SLC35B2: variants seen among roughly 807,000 people sequenced by gnomAD.
The protein encoded by SLC35B2 is solute carrier family 35 member B2.
Under a neutral mutation model 37.9 loss-of-function variants are expected in SLC35B2, and 19 were observed. The observed-to-expected ratio is 0.50, with a 90% CI of 0.35 to 0.74. The LOEUF (loss-of-function observed/expected upper bound fraction) is 0.74, where lower values mean the gene tolerates loss of function less well. SLC35B2 is among the 30% of genes least tolerant of loss of function. The pLI, the probability that SLC35B2 is intolerant of heterozygous loss-of-function variation, is 0.01. For missense variants in SLC35B2, 633 were observed against 547.6 expected, an observed-to-expected ratio of 1.16 and a Z score of -1.56; for synonymous variants, 277 against 225.2, an observed-to-expected ratio of 1.23 and a Z score of -2.06.
Position 44,255,273 on chromosome 6 carries a change from G to T in SLC35B2, c.732C>A (p.Thr244=), listed in dbSNP as rs1875324. 327,133 of 1,614,082 alleles carry T rather than the reference G, an allele frequency of 0.2. 36,655 individuals carry two copies. The highest frequency in any genetic ancestry group is 0.41 in the East Asian group (18,441 of 44,864). Residue 244 remains threonine, a synonymous_variant, in exon 4 of 4, where the codon ACC becomes ACA. Coordinates refer to ENST00000393812, the MANE Select transcript of SLC35B2 (RefSeq NM_178148.4). ...SYEHWEYLTA[T]LISIGVSMFL... is the part of the protein sequence containing the mutation. The stretch of plus-strand genomic sequence containing the variant: ...ACATGCTGACCCCAATGGAGATGAG[G>T]GTGGCTGTCAGGTACTCCCAGTGTT...
Position 44,254,964 on chromosome 6 carries a change from G to A in SLC35B2, c.1041C>T (p.Cys347=), listed in dbSNP as rs1407204958. The change falls in exon 4 of 4, where the codon TGC becomes TGT. Residue 347 remains cysteine, a synonymous_variant. Transcript: ENST00000393812. ...AGATGAAGAGCTGGCCACATGCGGA[G>A]CAGATGGAGAGTAGCAGGGCATGGG... ...FAAHALLLSI[C]SACGQLFIFY... is the part of the protein sequence containing the mutation. 6.2e-7 allele frequency: 1 copy of A among 1,614,236 alleles called. No individual in the cohort carries two copies. Among genetic ancestry groups the A allele is most frequent in the African/African-American group, 1.3e-5 (1 of 75,068 alleles).
chr6:44,257,787 A>G (rs1318903541), upstream of SLC35B2: 2 of 153,780 alleles, frequency 1.3e-5, no homozygotes, highest in Non-Finnish European at 2.9e-5. Flanking sequence ...TCTTGTGGAC[A>G]GGACATTGAG....
chr6:44,255,299 C>T lies in SLC35B2; in HGVS notation c.706G>A (p.Glu236Lys), dbSNP rs145406343. 1.5e-5 allele frequency: 25 copies of T among 1,614,102 alleles called. No individual in the cohort carries two copies. Among genetic ancestry groups the T allele is most frequent in the South Asian group, 3.3e-5 (3 of 91,088 alleles). ...MGKLVSRRSYEHWEYLTATLI... is the reference protein window; with the variant it reads ...MGKLVSRRSYKHWEYLTATLI... ...GTGGCTGTCAGGTACTCCCAGTGTT[C>T]GTAGCTGCGCCGAGACACAAGCTTT... is the stretch of plus-strand genomic sequence containing the variant. The change falls in exon 4 of 4, where the codon GAA becomes AAA. Residue 236 changes from glutamate to lysine, a missense_variant. Glu to Lys is a moderately conservative substitution (Grantham distance 56, BLOSUM62 1). Transcript: ENST00000393812.
In SLC35B2 at chr6:44,256,698, G is replaced by C. The variant is rs1255130763; in HGVS notation, c.192C>G (p.Asn64Lys). Residue 64 changes from asparagine to lysine, a missense_variant, in exon 2 of 4, where the codon AAC (asparagine) becomes AAG (lysine). Transcript: ENST00000393812. ...TTCTTCACACACCGGTCTCCAGGTA[G>C]TTCTTCCGCCTGAAGTACTGCACCA... ...YLLVQYFRRKNYLETGRGLCF... is the reference protein window; with the variant it reads ...YLLVQYFRRKKYLETGRGLCF... The C allele has an allele frequency of 6.2e-7, 1 of 1,614,002 alleles. No homozygotes were observed. Among genetic ancestry groups the C allele is most frequent in the East Asian group, 2.2e-5 (1 of 44,900 alleles).
rs973929007 is a variant in SLC35B2 at position 44,255,014 on chromosome 6, T to C, written c.991A>G (p.Met331Val). 3 of 1,614,172 alleles carry C rather than the reference T, an allele frequency of 1.9e-6. No homozygotes were observed. The highest frequency in any genetic ancestry group is 2.5e-6 in the Non-Finnish European group (3 of 1,180,020). ...QGALLEGTRF[M>V]GRHSEFAAHA... ...GCAGCAAACTCACTGTGTCGCCCCA[T>C]GAAGCGGGTTCCCTCCAGTAGGGCC... The change falls in exon 4 of 4, where the codon ATG (methionine) becomes GTG (valine). Residue 331 changes from methionine to valine, a missense_variant. By Grantham distance (21) the Met-to-Val change is conservative. Coordinates refer to ENST00000393812, the MANE Select transcript of SLC35B2 (RefSeq NM_178148.4).
Position 44,256,857 on chromosome 6 carries a change from C to A in SLC35B2, c.33G>T (p.Leu11=). MDARWWAVVV[L]AAFPSLGAGG... ...CTGCCCCTAGGGAGGGGAACGCAGC[C>A]AGCACCACCACTGCCCACCATCTGT... Residue 11 remains leucine, a synonymous_variant, in exon 2 of 4, where the codon CTG becomes CTT. Transcript: ENST00000393812. The A allele has an allele frequency of 6.2e-7, 1 of 1,610,382 alleles. No individual in the cohort carries two copies. Among genetic ancestry groups the A allele is most frequent in the Non-Finnish European group, 8.5e-7 (1 of 1,178,326 alleles).
At position 44,254,793 on chromosome 6, in the gene SLC35B2, G is replaced by T. The variant is rs778904736; in HGVS notation, c.1212C>A (p.Ala404=). 9 of 1,614,152 alleles carry T rather than the reference G, an allele frequency of 5.6e-6. No homozygotes were observed. Among genetic ancestry groups the T allele is most frequent in the Non-Finnish European group, 7.6e-6 (9 of 1,180,038 alleles). Residue 404 remains alanine (A), a synonymous_variant, in exon 4 of 4, where the codon GCC becomes GCA. Transcript: ENST00000393812. ...CCCGCGCGTAGACTCTGAGCAGGAG[G>T]GCAGCAAAGACCACAGCCACCCCCA... ...GGLGVAVVFA[A]LLLRVYARGR...
upstream of SLC35B2, chr6:44,257,593 C>G (rs916515921): frequency 5.4e-5 from 21 of 387,366 alleles, no homozygotes; most frequent in Non-Finnish European, 7.9e-5. Flanking sequence ...CGCAGCGCCC[C>G]GGGCCGCCGC....
chr6:44,255,339 A>G lies in SLC35B2; in HGVS notation c.666T>C (p.Pro222=), dbSNP rs762828763. The change falls in exon 4 of 4, where the codon CCT becomes CCC. Residue 222 remains proline (P), a synonymous_variant. Transcript: ENST00000393812. ...QVLAKASKVI[P]VMLMGKLVSR... ...ACACAAGCTTTCCCATCAGCATGACAGGGATCACCTTAGAGGCCTTGGCCA... is the reference window on the plus strand; with the variant it reads ...ACACAAGCTTTCCCATCAGCATGACGGGGATCACCTTAGAGGCCTTGGCCA... 24 of 1,614,108 alleles carry G rather than the reference A, an allele frequency of 1.5e-5. No individual in the cohort carries two copies. Among genetic ancestry groups the G allele is most frequent in the Non-Finnish European group, 1.6e-5 (19 of 1,180,030 alleles).
At position 44,255,287 on chromosome 6, in the gene SLC35B2, ACTC is replaced by A; in HGVS notation, c.715_717del (p.Glu239del). ...ATGGAGATGAGGGTGGCTGTCAGGTACTCCCAGTGTTCGTAGCTGCGCCGAGAC... is the reference window on the plus strand; with the variant it reads ...ATGGAGATGAGGGTGGCTGTCAGGTACCAGTGTTCGTAGCTGCGCCGAGAC... On this transcript the variant is annotated inframe_deletion, in exon 4 of 4. Coordinates refer to ENST00000393812, the MANE Select transcript of SLC35B2 (RefSeq NM_178148.4). The A allele has an allele frequency of 6.2e-7, 1 of 1,614,120 alleles. No individual in the cohort carries two copies. The highest frequency in any genetic ancestry group is 8.5e-7 in the Non-Finnish European group (1 of 1,180,022).
chr6:44,255,088 AC>A lies in SLC35B2; in HGVS notation c.916del (p.Val306SerfsTer14). ...KMSSVQMMFG[V>X]NFFSCLFTVG... ...TGTGAAGAGGCAGGAGAAGAAATTG[AC>A]CCCAAACATCATCTGCACCGATGAC... On this transcript the variant is annotated frameshift_variant, in exon 4 of 4. Coordinates refer to ENST00000393812, the MANE Select transcript of SLC35B2 (RefSeq NM_178148.4). LOFTEE classifies it high-confidence loss of function. 1 of 1,614,092 alleles carries A rather than the reference AC, an allele frequency of 6.2e-7. No individual in the cohort carries two copies. The highest frequency in any genetic ancestry group is 8.5e-7 in the Non-Finnish European group (1 of 1,180,004).
In SLC35B2 at chr6:44,255,510, A is replaced by T. The variant is rs143766738; in HGVS notation, c.495T>A (p.Ile165=). 6.2e-7 allele frequency: 1 copy of T among 1,614,102 alleles called. No individual in the cohort carries two copies. The highest frequency in any genetic ancestry group is 1.7e-5 in the Admixed American group (1 of 60,010). Residue 165 remains isoleucine (I), a synonymous_variant, in exon 4 of 4, where the codon ATT becomes ATA. Coordinates refer to ENST00000393812, the MANE Select transcript of SLC35B2 (RefSeq NM_178148.4). ...AGAGAACACAGGAGAGGCCAGCCAC[A>T]ATCAGTGCCAGCACTCGGTTCATTA... is the stretch of plus-strand genomic sequence containing the variant. ...LVLMNRVLAL[I]VAGLSCVLCK... is the part of the protein sequence containing the mutation.
upstream of SLC35B2, chr6:44,257,664 G>A: frequency 5.6e-6 from 1 of 178,538 alleles, no homozygotes; most frequent in Non-Finnish European, 1.1e-5. Context: ...GGGGACCTGG[G>A]CTGCCCCTGG....
rs757226561 is a variant in SLC35B2, at chr6:44,254,978, G to C, written c.1027C>G (p.Leu343Val). The C allele has an allele frequency of 1.2e-6, 2 of 1,614,198 alleles. No individual in the cohort carries two copies. Among genetic ancestry groups the C allele is most frequent in the East Asian group, 2.2e-5 (1 of 44,878 alleles). Residue 343 changes from leucine to valine, a missense_variant, in exon 4 of 4, where the codon CTA becomes GTA. Transcript: ENST00000393812. ...CCACATGCGGAGCAGATGGAGAGTA[G>C]CAGGGCATGGGCAGCAAACTCACTG... ...RHSEFAAHAL[L>V]LSICSACGQL...
intron 1 of SLC35B2, 94 bp from the exon 2 acceptor site, chr6:44,256,972 TC>T (rs1781587571): frequency 2.3e-6 from 3 of 1,281,958 alleles, no homozygotes; most frequent in Non-Finnish European, 3.1e-6. Flanking sequence ...CGGAGTCTCC[TC>T]CCCGCCCCCT....
Position 44,254,959 on chromosome 6 carries a change from G to A in SLC35B2, c.1046C>T (p.Ala349Val). ...GTAAAAGATGAAGAGCTGGCCACAT[G>A]CGGAGCAGATGGAGAGTAGCAGGGC... The part of the protein sequence containing the change: ...AHALLLSICS[A>V]CGQLFIFYTI... The change falls in exon 4 of 4, where the codon GCA becomes GTA. Residue 349 changes from alanine to valine, a missense_variant. Physicochemically the swap from Ala to Val is moderately conservative, Grantham distance 64. Transcript: ENST00000393812. 6.2e-7 allele frequency: 1 copy of A among 1,614,210 alleles called. No individual in the cohort carries two copies. Among genetic ancestry groups the A allele is most frequent in the Non-Finnish European group, 8.5e-7 (1 of 1,180,030 alleles).
Position 44,256,896 on chromosome 6 carries a change from A to C in SLC35B2, c.12-18T>G. On this transcript the variant is annotated intron_variant, in intron 1 of 3. Coordinates refer to ENST00000393812, the MANE Select transcript of SLC35B2 (RefSeq NM_178148.4). ...CCCACCATCTGTAAGGAAAGCGGACATAAGGATTAGGGCGCAGCTCCTCAT... is the reference window on the plus strand; with the variant it reads ...CCCACCATCTGTAAGGAAAGCGGACCTAAGGATTAGGGCGCAGCTCCTCAT... The C allele has an allele frequency of 6.3e-7, 1 of 1,596,546 alleles. No individual in the cohort carries two copies. Among genetic ancestry groups the C allele is most frequent in the Non-Finnish European group, 8.5e-7 (1 of 1,170,752 alleles).
intron 1 of SLC35B2, 35 bp from the exon 2 acceptor site, chr6:44,256,913 GCTC>G: frequency 6.4e-7 from 1 of 1,570,508 alleles, no homozygotes; most frequent in South Asian, 1.2e-5. Context: ...TTAGGGCGCA[GCTC>G]CTCATCCCCT....
At position 44,257,284 on chromosome 6, in the gene SLC35B2, G is replaced by A. The variant is rs1409683643; in HGVS notation, c.11+116C>T. On this transcript the variant is annotated intron_variant, in intron 1 of 3. Transcript: ENST00000393812. Reference sequence around the variant, plus strand: ...CCCATCCCCGCTGGCTCCGGGCAGCGATATGCTGGCCGACGGCCGAGCAGC... The same window carrying A: ...CCCATCCCCGCTGGCTCCGGGCAGCAATATGCTGGCCGACGGCCGAGCAGC... The A allele has an allele frequency of 4.3e-6, 5 of 1,168,334 alleles. No individual in the cohort carries two copies. In the Admixed American group the frequency reaches 1.2e-4, roughly 29 times the overall value. 72.4% of individuals were successfully genotyped at this position (1,168,334 alleles called of 1,614,324 possible).
Sources: gnomAD v4.1 joint callset for allele counts on GRCh38, gnomAD v4.1.1 for gene constraint, MANE v1.5 for transcripts, NCBI Gene and HGNC (gene_info 2026-07-23, HGNC 2026-07-21) for gene names.